The following ARHGEF18 variants were observed in gnomAD, a reference collection of about 807,000 sequenced individuals.
ARHGEF18 encodes the protein rho guanine nucleotide exchange factor 18.
In ARHGEF18, 93 loss-of-function variants were observed where a neutral mutation model predicts 155.7. The observed-to-expected ratio is 0.60, with a 90% CI of 0.50 to 0.71. ARHGEF18 has a LOEUF of 0.71. Ranked by LOEUF, ARHGEF18 falls within the 30% of genes least tolerant of loss-of-function variation. ARHGEF18 has a pLI of 0.00. For missense variants in ARHGEF18, 1,593 were observed against 1,816.1 expected, an observed-to-expected ratio of 0.88 and a Z score of 2.23; for synonymous variants, 742 against 753.1, an observed-to-expected ratio of 0.99 and a Z score of 0.24.
intron 1 of ARHGEF18, among the ~76,000 whole-genome samples, chr19:7,358,145 T>C (rs1969388457): frequency 8.7e-6 from 1 of 114,636 alleles, no homozygotes; most frequent in Non-Finnish European, 1.8e-5. Context: ...AGCCAACTCT[T>C]CAACCATCCA....
At chr19:7,479,012 G>C in the ARHGEF18 span, among the ~76,000 whole-genome samples, 1 of 152,328 alleles carries the variant, frequency 6.6e-6, no homozygotes, top group East Asian at 1.9e-4. Context: ...CTCCAGCCTC[G>C]GCCGTGGGGT....
At chr19:7,421,184 A>C (rs1025077135) in intron 10 of ARHGEF18, among the ~76,000 whole-genome samples, 1 of 152,028 alleles carries the variant, frequency 6.6e-6, no homozygotes, top group Non-Finnish European at 1.5e-5. Flanking sequence ...TGCCCACTTC[A>C]GCCTCCAAAT....
At chr19:7,479,986 G>A in the ARHGEF18 span, among the ~76,000 whole-genome samples, 3 of 152,112 alleles carry the variant, frequency 2.0e-5, no homozygotes, top group African/African-American at 2.4e-5. Context: ...AGTCTGGGCC[G>A]GGAGTGGTGG....
chr19:7,389,261 C>T (rs982075204), intron 10 of ARHGEF18, among the ~76,000 whole-genome samples: 1 of 151,852 alleles, frequency 6.6e-6, no homozygotes, highest in African/African-American at 2.4e-5. Flanking sequence ...AGCAATCCTC[C>T]CACCCTAGCC....
intron 10 of ARHGEF18, among the ~76,000 whole-genome samples, chr19:7,405,768 G>A (rs1392844943): frequency 2.0e-5 from 3 of 151,926 alleles, no homozygotes; most frequent in Admixed American, 6.6e-5. Flanking sequence ...GCACCACCAC[G>A]CCTGGCTAAT....
intron 10 of ARHGEF18, among the ~76,000 whole-genome samples, chr19:7,423,886 T>C (rs1371473457): frequency 6.6e-6 from 1 of 152,006 alleles, no homozygotes; most frequent in Non-Finnish European, 1.5e-5. Flanking sequence ...AGAAGCGAGC[T>C]GTGTGTTCTA....
At chr19:7,350,819 T>C (rs1230673646) in intron 1 of ARHGEF18, among the ~76,000 whole-genome samples, 1 of 133,724 alleles carries the variant, frequency 7.5e-6, no homozygotes, top group African/African-American at 2.8e-5. Context: ...TGTGTGTGTG[T>C]TGGAGATAGA....
In ARHGEF18 at chr19:7,440,504, G is replaced by A; in HGVS notation, c.1106+22G>A. The A allele has an allele frequency of 6.3e-7, 1 of 1,577,848 alleles. No individual in the cohort carries two copies. The highest frequency in any genetic ancestry group is 8.6e-7 in the Non-Finnish European group (1 of 1,166,828). ...TCGGGTAAGCCAGGGTCCCCTCTGT[G>A]CCCTCGGGTGGGTGGTGGCATTCCC... On this transcript the variant is annotated intron_variant, in intron 11 of 28. Coordinates refer to ENST00000668164, the MANE Select transcript of ARHGEF18 (RefSeq NM_001367823.1). This position sits in a 1 kb window ranked among gnomAD's most constrained non-coding sequence, Gnocchi z 5.4.
At chr19:7,456,017 G>T (rs2145855234) in intron 17 of ARHGEF18, among the ~76,000 whole-genome samples, 2 of 152,040 alleles carry the variant, frequency 1.3e-5, no homozygotes, top group South Asian at 4.1e-4. Flanking sequence ...ATTCTCAAAG[G>T]TCAGACCCAG....
At chr19:7,474,010 T>G (rs890852327), downstream of ARHGEF18, among the ~76,000 whole-genome samples, 4 of 147,978 alleles carry the variant, frequency 2.7e-5, no homozygotes, top group African/African-American at 1.0e-4. Context: ...AAAAGGAAAT[T>G]TGGGGGATAG....
intron 10 of ARHGEF18, among the ~76,000 whole-genome samples, chr19:7,431,379 T>C (rs1463454578): frequency 6.6e-6 from 1 of 150,400 alleles, no homozygotes; most frequent in African/African-American, 2.5e-5. Flanking sequence ...TAGCTGGGCA[T>C]GGATGTGGGC....
chr19:7,436,374 T>G (rs1974254892), intron 10 of ARHGEF18, among the ~76,000 whole-genome samples: 1 of 152,092 alleles, frequency 6.6e-6, no homozygotes, highest in South Asian at 2.1e-4. Context: ...CCTCCCAGGC[T>G]CCAGCAATTC....
chr19:7,429,790 G>A (rs1441814827), intron 10 of ARHGEF18, among the ~76,000 whole-genome samples: 1 of 152,156 alleles, frequency 6.6e-6, no homozygotes, highest in Non-Finnish European at 1.5e-5. Flanking sequence ...GGCCCAGAGG[G>A]CAGTGGCATG....
At chr19:7,451,082 T>G in intron 15 of ARHGEF18, 67 bp from the exon 16 acceptor site, 1 of 1,442,124 alleles carries the variant, frequency 6.9e-7, no homozygotes, top group Non-Finnish European at 9.7e-7. Flanking sequence ...GTTTCTGAGA[T>G]GTTAATACAG....
At chr19:7,373,473 T>TG (rs1216544399) in intron 3 of ARHGEF18, among the ~76,000 whole-genome samples, 1 of 133,394 alleles carries the variant, frequency 7.5e-6, no homozygotes, top group Admixed American at 6.7e-5. Flanking sequence ...GTTTTTTTTT[T>TG]TTTGTTTTTG....
At chr19:7,409,057 C>CTTTTTT (rs1013156166) in intron 10 of ARHGEF18, among the ~76,000 whole-genome samples, 29 of 115,504 alleles carry the variant, frequency 2.5e-4, no homozygotes, top group East Asian at 4.9e-4. Flanking sequence ...GACCCTGTTT[C>CTTTTTT]TTTTTTTTTT....
chr19:7,350,608 T>G lies in ARHGEF18; in HGVS notation c.-111+1367T>G, dbSNP rs1040294661. On this transcript the variant is annotated intron_variant, in intron 1 of 28. Coordinates refer to ENST00000668164, the MANE Select transcript of ARHGEF18 (RefSeq NM_001367823.1). ...CCATGACAAAGGGATGGGCATATGT[T>G]GATGCTCGATACTGTTGTAGATGAC... Among the ~76,000 whole-genome samples the G allele has an allele frequency of 2.0e-5, 3 of 152,142 alleles. No individual in the cohort carries two copies. In the South Asian group the frequency reaches 6.2e-4, roughly 32 times the overall value.
chr19:7,474,674 G>C (rs940977000), downstream of ARHGEF18, among the ~76,000 whole-genome samples: 27 of 151,714 alleles, frequency 1.8e-4, no homozygotes, highest in African/African-American at 6.1e-4. Context: ...CACCGCGCCT[G>C]GTCTATTTTT....
intron 2 of ARHGEF18, among the ~76,000 whole-genome samples, chr19:7,368,500 C>G (rs1198944189): frequency 6.6e-6 from 1 of 152,144 alleles, no homozygotes; most frequent in Non-Finnish European, 1.5e-5. Flanking sequence ...GAGACACCCC[C>G]TCTCTCCCTC....
Sources: gnomAD v4.1 joint callset for allele counts (sites outside exome capture counted in the v4.1 genomes callset) on GRCh38, gnomAD v4.1.1 for gene constraint, Gnocchi (gnomAD v3.1) non-coding constraint, MANE v1.5 for transcripts, NCBI Gene and HGNC (gene_info 2026-07-23, HGNC 2026-07-21) for gene names.